PALM2AKAP2: variants seen among roughly 807,000 people sequenced by gnomAD.
PALM2AKAP2 encodes PALM2-AKAP2 fusion protein.
PALM2AKAP2 carries 37 observed loss-of-function variants against 71.5 expected under a neutral mutation model. That is an observed-to-expected ratio of 0.52 (90% CI 0.40 to 0.68). The LOEUF (loss-of-function observed/expected upper bound fraction) is 0.68, where lower values mean the gene tolerates loss of function less well. Among genes scored for constraint, PALM2AKAP2 ranks in the 30% least tolerant of loss-of-function variants. PALM2AKAP2 has a pLI of 0.00. For missense variants in PALM2AKAP2, 1,224 were observed against 1,191.8 expected, an observed-to-expected ratio of 1.03 and a Z score of -0.40; for synonymous variants, 468 against 478.8, an observed-to-expected ratio of 0.98 and a Z score of 0.29.
At chr9:110,034,609 T>C (rs1313154468) in intron 7 of PALM2AKAP2, among the ~76,000 whole-genome samples, 1 of 145,252 alleles carries the variant, frequency 6.9e-6, no homozygotes, top group Non-Finnish European at 1.5e-5. Context: ...TTCCCCTTTT[T>C]TTTTTTTTTT....
At chr9:110,133,577 T>C (rs1243263434) in intron 1 of PALM2AKAP2, among the ~76,000 whole-genome samples, 1 of 152,208 alleles carries the variant, frequency 6.6e-6, no homozygotes, top group Non-Finnish European at 1.5e-5. Context: ...CCTCAGGTAT[T>C]CTAAAGCATC....
intron 1 of PALM2AKAP2, among the ~76,000 whole-genome samples, chr9:109,862,054 T>C (rs1481435304): frequency 2.6e-5 from 4 of 152,102 alleles, no homozygotes. Context: ...AAGGAGCCCA[T>C]AGTTTGTTAG....
intron 3 of PALM2AKAP2, among the ~76,000 whole-genome samples, chr9:109,919,107 C>T (rs753686538): frequency 1.7e-4 from 26 of 152,200 alleles, no homozygotes; most frequent in African/African-American, 3.1e-4. Flanking sequence ...CAGCCATTTT[C>T]GGTTTTAGTC....
chr9:109,867,364 C>T (rs778783311), intron 1 of PALM2AKAP2, 127 bp from the exon 2 acceptor site: 89 of 1,029,792 alleles, frequency 8.6e-5, no homozygotes, highest in Admixed American at 2.8e-4. Context: ...GGTGACACTG[C>T]GTGTGTGCCC....
intron 1 of PALM2AKAP2, among the ~76,000 whole-genome samples, chr9:109,680,183 G>A (rs1229380006): frequency 6.6e-6 from 1 of 152,148 alleles, no homozygotes; most frequent in Non-Finnish European, 1.5e-5. Context: ...TTCCCACCTA[G>A]GATATATATG....
chr9:109,645,935 GA>G (rs571465751), intron 1 of PALM2AKAP2, among the ~76,000 whole-genome samples: 6 of 152,002 alleles, frequency 3.9e-5, no homozygotes, highest in Non-Finnish European at 8.8e-5. Context: ...GTCTATCTTG[GA>G]AAAGAAGAAA....
At chr9:109,654,211 A>T (rs1378033401) in intron 1 of PALM2AKAP2, among the ~76,000 whole-genome samples, 1 of 152,244 alleles carries the variant, frequency 6.6e-6, no homozygotes, top group Non-Finnish European at 1.5e-5. Context: ...AGTTATGATT[A>T]TATGGATATA....
intron 3 of PALM2AKAP2, among the ~76,000 whole-genome samples, chr9:109,919,887 C>T (rs1251913835): frequency 1.3e-5 from 2 of 152,086 alleles, no homozygotes; most frequent in Non-Finnish European, 2.9e-5. Flanking sequence ...TATTCTTGCC[C>T]ACACTTCTGT....
chr9:110,167,169 G>A (rs1317232062), intron 3 of PALM2AKAP2, among the ~76,000 whole-genome samples: 1 of 152,218 alleles, frequency 6.6e-6, no homozygotes, highest in East Asian at 1.9e-4. Context: ...AGTCCCTCCT[G>A]CTACACAAGG....
intron 1 of PALM2AKAP2, among the ~76,000 whole-genome samples, chr9:110,120,455 G>T (rs1835458355): frequency 1.3e-5 from 2 of 152,174 alleles, no homozygotes; most frequent in Admixed American, 1.3e-4. Flanking sequence ...CCTGGTTCTG[G>T]AATGAAATAC....
intron 1 of PALM2AKAP2, among the ~76,000 whole-genome samples, chr9:110,073,450 C>T (rs1246169586): frequency 2.0e-5 from 3 of 152,102 alleles, no homozygotes; most frequent in Non-Finnish European, 4.4e-5. Context: ...CTCTTTGGAT[C>T]ACATTGTGTG....
intron 1 of PALM2AKAP2, among the ~76,000 whole-genome samples, chr9:109,772,710 C>T (rs1045096819): frequency 6.6e-6 from 1 of 152,236 alleles, no homozygotes; most frequent in African/African-American, 2.4e-5. Context: ...CTGGCATTTT[C>T]ATTTACTGGC....
At chr9:109,807,463 T>G (rs1827608506) in intron 1 of PALM2AKAP2, among the ~76,000 whole-genome samples, 1 of 152,086 alleles carries the variant, frequency 6.6e-6, no homozygotes, top group Non-Finnish European at 1.5e-5. Flanking sequence ...ATTAGTAGGT[T>G]TGGTGTCTGG....
At chr9:109,710,566 T>C (rs189391689) in intron 1 of PALM2AKAP2, among the ~76,000 whole-genome samples, 1 of 152,274 alleles carries the variant, frequency 6.6e-6, no homozygotes, top group Non-Finnish European at 1.5e-5. Flanking sequence ...CAAGACGGGG[T>C]GGGAAGGGAA....
chr9:110,133,721 A>T (rs997680974), intron 1 of PALM2AKAP2, among the ~76,000 whole-genome samples: 11 of 151,876 alleles, frequency 7.2e-5, no homozygotes, highest in Admixed American at 6.6e-5. Context: ...GTTCCCATGC[A>T]GAATATTAGC....
intron 1 of PALM2AKAP2, among the ~76,000 whole-genome samples, chr9:110,079,165 G>C (rs1002162646): frequency 6.6e-6 from 1 of 152,126 alleles, no homozygotes; most frequent in African/African-American, 2.4e-5. Context: ...CATCTGATAG[G>C]AAGCGAGTGT....
intron 2 of PALM2AKAP2, among the ~76,000 whole-genome samples, chr9:110,147,867 G>A (rs982314849): frequency 1.3e-5 from 2 of 152,190 alleles, no homozygotes; most frequent in Non-Finnish European, 1.5e-5. Context: ...GAACACACAT[G>A]ATAAAATTGC....
At chr9:109,856,999 C>T (rs78087554) in intron 1 of PALM2AKAP2, among the ~76,000 whole-genome samples, 3,040 of 152,246 alleles carry the variant, frequency 0.02, 112 homozygotes, top group African/African-American at 0.069. Flanking sequence ...CTGTGGCCTG[C>T]GGTGCTGAGA....
chr9:110,061,015 C>A (rs1190071394), intron 1 of PALM2AKAP2, among the ~76,000 whole-genome samples: 5 of 152,176 alleles, frequency 3.3e-5, no homozygotes, highest in East Asian at 3.9e-4. Flanking sequence ...TCCTTAGAGA[C>A]CTTTGTCCCG....
Sources: allele counts gnomAD v4.1 joint callset (sites outside exome capture counted in the v4.1 genomes callset), GRCh38; gene constraint gnomAD v4.1.1; transcripts MANE v1.5; gene names NCBI Gene and HGNC (gene_info 2026-07-23, HGNC 2026-07-21).